ERICH1: variants seen among roughly 807,000 people sequenced by gnomAD.
The protein encoded by ERICH1 is glutamate rich 1, also known as glutamate-rich protein 1.
ERICH1 carries 56 observed loss-of-function variants against 39.6 expected under a neutral mutation model. The ratio of observed to expected loss-of-function variants is 1.41; its 90% CI spans 1.14 to 1.77. ERICH1 has a LOEUF of 1.77. Ranked by LOEUF, ERICH1 falls within the 40% of genes most tolerant of loss-of-function variation. The pLI is 0.00. For synonymous variants in ERICH1, 313 were observed against 223.6 expected, an observed-to-expected ratio of 1.40 and a Z score of -3.57; for missense variants, 826 against 575.4, an observed-to-expected ratio of 1.44 and a Z score of -4.45.
chr8:706,522 C>T (rs977762109), intron 2 of ERICH1, among the ~76,000 whole-genome samples: 10 of 152,102 alleles, frequency 6.6e-5, no homozygotes, highest in Admixed American at 5.9e-4. Flanking sequence ...GCCTGTAATC[C>T]CAGCACTTTG....
chr8:635,915 C>T (rs1262653985), intron 3 of ERICH1, among the ~76,000 whole-genome samples: 1 of 152,240 alleles, frequency 6.6e-6, no homozygotes, highest in Non-Finnish European at 1.5e-5. Flanking sequence ...TTGCAAGCGG[C>T]TCTTACGCGG....
chr8:725,602 C>T (rs769520346), intron 1 of ERICH1, among the ~76,000 whole-genome samples: 15 of 152,304 alleles, frequency 9.8e-5, no homozygotes, highest in Middle Eastern at 3.4e-3. Context: ...TGCAAGCAGC[C>T]GAGACTGCAG....
rs775046150 is a variant in ERICH1, at chr8:664,559, G to C, written c.*44C>G. 5 of 1,575,046 alleles carry C rather than the reference G, an allele frequency of 3.2e-6. No individual in the cohort carries two copies. The highest frequency in any genetic ancestry group is 4.5e-5 in the East Asian group (2 of 44,466). ...AGCCCATCTCACATTTGTCTTTTAAGTTTTTTTGTTAAAGAGGAGCTGTTC... is the reference window on the plus strand; with the variant it reads ...AGCCCATCTCACATTTGTCTTTTAACTTTTTTTGTTAAAGAGGAGCTGTTC... On this transcript the variant is annotated 3_prime_UTR_variant, in exon 6 of 6. Transcript: ENST00000262109.
At chr8:699,990 G>A (rs373236679) in intron 2 of ERICH1, among the ~76,000 whole-genome samples, 3 of 113,332 alleles carry the variant, frequency 2.6e-5, no homozygotes, top group African/African-American at 1.1e-4. Flanking sequence ...CACGCGCACA[G>A]ACCCTCACAG....
At chr8:668,054 A>T (rs1228576824) in intron 5 of ERICH1, 1 of 177,256 alleles carries the variant, frequency 5.6e-6, no homozygotes, top group Non-Finnish European at 1.2e-5. Flanking sequence ...TGAATTTCTG[A>T]TTTTCAGCAT....
At chr8:715,733 GCTGCAGGCCCT>G in intron 2 of ERICH1, 117 bp downstream of exon 2, 1 of 1,281,238 alleles carries the variant, frequency 7.8e-7, no homozygotes, top group South Asian at 1.5e-5. Flanking sequence ...CTGCCCACCT[GCTGCAGGCCCT>G]CTGCAGACCT....
intron 1 of ERICH1, among the ~76,000 whole-genome samples, chr8:722,514 C>A (rs1301342186): frequency 6.6e-6 from 1 of 152,180 alleles, no homozygotes; most frequent in Non-Finnish European, 1.5e-5. Context: ...AAATTACACA[C>A]TTAGGAAAAA....
At chr8:638,711 C>T (rs920220182) in intron 3 of ERICH1, among the ~76,000 whole-genome samples, 18 of 152,274 alleles carry the variant, frequency 1.2e-4, no homozygotes, top group Admixed American at 1.1e-3. Context: ...ATCACTCCTC[C>T]CACAGGAGGT....
chr8:683,808 G>C (rs1367009141), intron 3 of ERICH1, among the ~76,000 whole-genome samples: 2 of 152,360 alleles, frequency 1.3e-5, no homozygotes, highest in Middle Eastern at 3.4e-3. Context: ...GATGTGATCT[G>C]CCGCTAAGCT....
chr8:684,860 T>C (rs778672262), intron 3 of ERICH1, among the ~76,000 whole-genome samples: 2 of 152,104 alleles, frequency 1.3e-5, no homozygotes, highest in Non-Finnish European at 2.9e-5. Flanking sequence ...ACAAATACGG[T>C]ATGGGTCACA....
intron 1 of ERICH1, among the ~76,000 whole-genome samples, chr8:716,234 T>A (rs371092095): frequency 1.2e-4 from 19 of 152,168 alleles, no homozygotes; most frequent in African/African-American, 4.3e-4. Flanking sequence ...CATCCTGCCA[T>A]CAGCTGACCC....
In ERICH1 at chr8:692,469, G is replaced by A; in HGVS notation, c.304+9C>T. The A allele has an allele frequency of 6.2e-7, 1 of 1,613,946 alleles. No individual in the cohort carries two copies. Among genetic ancestry groups the A allele is most frequent in the Non-Finnish European group, 8.5e-7 (1 of 1,179,934 alleles). On this transcript the variant is annotated intron_variant, in intron 3 of 5. Transcript: ENST00000262109. ...AGATGTCTACCTTTCCTCCCACCCA[G>A]CATTTTACCTTCTGTGTCATCCCCG...
intron 5 of ERICH1, 78 bp from the exon 6 acceptor site, chr8:664,754 G>A (rs898924006): frequency 9.9e-6 from 12 of 1,215,788 alleles, no homozygotes; most frequent in East Asian, 2.4e-5. Flanking sequence ...ATGTAGACAC[G>A]AGCCTTTGGG....
intron 1 of ERICH1, among the ~76,000 whole-genome samples, chr8:729,814 GTT>G (rs34599238): frequency 2.7e-5 from 4 of 150,092 alleles, no homozygotes; most frequent in Admixed American, 2.7e-4. Context: ...ATGGAGAAAG[GTT>G]TTTTTTTTAA....
chr8:656,773 G>A (rs1800716103), intron 3 of ERICH1: 7 of 985,426 alleles, frequency 7.1e-6, no homozygotes, highest in African/African-American at 1.7e-5. Flanking sequence ...GTGCCAAACG[G>A]TGCACAGCAG....
intron 3 of ERICH1, among the ~76,000 whole-genome samples, chr8:641,654 C>G (rs1286627952): frequency 2.0e-5 from 3 of 152,208 alleles, no homozygotes; most frequent in Admixed American, 1.3e-4. Context: ...GTGATCTAAT[C>G]AGTGGAGAAC....
At chr8:701,302 G>T (rs1306561765) in intron 2 of ERICH1, among the ~76,000 whole-genome samples, 2 of 151,110 alleles carry the variant, frequency 1.3e-5, no homozygotes, top group Admixed American at 1.3e-4. Flanking sequence ...ACGGGAGCAC[G>T]CCATACCTAC....
At chr8:679,776 C>G (rs184190104) in intron 3 of ERICH1, among the ~76,000 whole-genome samples, 1 of 152,356 alleles carries the variant, frequency 6.6e-6, no homozygotes, top group African/African-American at 2.4e-5. Flanking sequence ...CACTGGGGCT[C>G]CAGGCAGGGC....
rs530934205 is a variant in ERICH1, at chr8:651,698, G to C, written c.976+16900C>G. Among the ~76,000 whole-genome samples, 53 of 140,594 alleles carry C rather than the reference G, an allele frequency of 3.8e-4. 1 individual carries two copies. In the South Asian group the frequency reaches 0.011, roughly 29 times the overall value. The allele number at this position is 140,594 out of a possible 152,430, so 92.2% of individuals were successfully genotyped here. ...AGGGTGGGGGAGAAGACTGAGGGGA[G>C]AGAGAGGCTGAGACGGAGTGGGAGG... is the stretch of plus-strand genomic sequence containing the variant. On this transcript the variant is annotated intron_variant, in intron 3 of 3. Transcript: ENST00000522706.
Sources: gnomAD v4.1 joint callset for allele counts (sites outside exome capture counted in the v4.1 genomes callset) on GRCh38, gnomAD v4.1.1 for gene constraint, MANE v1.5 for transcripts, NCBI Gene and HGNC (gene_info 2026-07-23, HGNC 2026-07-21) for gene names.